The following ARHGAP20 variants were observed in gnomAD, a reference collection of about 807,000 sequenced individuals.
ARHGAP20 encodes rho GTPase-activating protein 20.
Under a neutral mutation model 73.7 loss-of-function variants are expected in ARHGAP20, and 34 were observed. That is an observed-to-expected ratio of 0.46 (90% confidence interval 0.35 to 0.61). The LOEUF is 0.61. Among genes scored for constraint, ARHGAP20 ranks in the 20% least tolerant of loss-of-function variants. The probability of loss-of-function intolerance (pLI) is 0.00; values close to 1 mark genes in which losing one functional copy is unlikely to be tolerated. For missense variants in ARHGAP20, 1,314 were observed against 1,420.9 expected (o/e 0.92, Z 1.21); for synonymous variants, 523 against 518.2 (o/e 1.01, Z -0.13).
rs750657827 is a variant in ARHGAP20 at position 110,578,820 on chromosome 11, C to T, written c.*550G>A. The T allele has an allele frequency of 6.1e-6, 6 of 985,722 alleles. No individual in the cohort carries two copies. Among genetic ancestry groups the T allele is most frequent in the African/African-American group, 1.7e-5 (1 of 57,226 alleles). The allele number at this position is 985,722 out of a possible 1,614,324, so 61.1% of individuals were successfully genotyped here. On this transcript the variant is annotated 3_prime_UTR_variant, in exon 15 of 15. Coordinates refer to ENST00000683387, the MANE Select transcript of ARHGAP20 (RefSeq NM_001384657.1). ...TTCTTGGAATGATTCTGTAAGGACA[C>T]GTGATTAGTAAGATCCCACAAAAAT...
At chr11:110,651,904 C>T (rs1949364443) in intron 2 of ARHGAP20, among the ~76,000 whole-genome samples, 1 of 152,124 alleles carries the variant, frequency 6.6e-6, no homozygotes, top group Non-Finnish European at 1.5e-5. Context: ...TGGCATCATC[C>T]TGATACCAAA....
At chr11:110,695,342 C>T (rs1326590610) in intron 1 of ARHGAP20, among the ~76,000 whole-genome samples, 1 of 151,444 alleles carries the variant, frequency 6.6e-6, no homozygotes. Flanking sequence ...AATCTAGACA[C>T]TGTCAAGATT....
At chr11:110,584,733 A>G (rs1368297360) in intron 12 of ARHGAP20, among the ~76,000 whole-genome samples, 1 of 152,022 alleles carries the variant, frequency 6.6e-6, no homozygotes, top group Admixed American at 6.6e-5. Context: ...ATACTTGTCT[A>G]AAGATGTGAA....
intron 4 of ARHGAP20, among the ~76,000 whole-genome samples, chr11:110,617,492 A>G (rs971667995): frequency 3.9e-5 from 6 of 151,980 alleles, no homozygotes; most frequent in South Asian, 2.1e-4. Flanking sequence ...CAAACTCCCA[A>G]CCTCAGGTGA....
At chr11:110,595,927 T>A (rs1228344858) in intron 9 of ARHGAP20, among the ~76,000 whole-genome samples, 1 of 152,094 alleles carries the variant, frequency 6.6e-6, no homozygotes, top group Non-Finnish European at 1.5e-5. Context: ...AACAGCATGG[T>A]ACTGGTACCA....
In ARHGAP20 at chr11:110,579,798, G is replaced by A. The variant is rs759947104; in HGVS notation, c.3148C>T (p.Leu1050Phe). The change falls in exon 15 of 15, where the codon CTC becomes TTC. Residue 1050 changes from leucine to phenylalanine, a missense_variant. By Grantham distance (22) the Leu-to-Phe change is conservative. Around this residue, in one of 3 missense-constraint regions of ARHGAP20, gnomAD observed 641 missense variants for 636.9 expected, o/e 1.01. Coordinates refer to ENST00000683387, the MANE Select transcript of ARHGAP20 (RefSeq NM_001384657.1). ...CTGGCTGCCTTTGCTTTCTTTTTGAGGGACCAGTTTTTCAAACTGGCCACA... is the reference window on the plus strand; with the variant it reads ...CTGGCTGCCTTTGCTTTCTTTTTGAAGGACCAGTTTTTCAAACTGGCCACA... Reference protein sequence around the residue: ...NGVASLKNWSLKKKAKAARPE... With the variant: ...NGVASLKNWSFKKKAKAARPE... The A allele has an allele frequency of 4.3e-6, 7 of 1,613,910 alleles. No individual in the cohort carries two copies. The Admixed American group carries it at 1.2e-4, about 27-fold the overall frequency.
chr11:110,703,446 C>T (rs1044848086), intron 1 of ARHGAP20, among the ~76,000 whole-genome samples: 3 of 151,454 alleles, frequency 2.0e-5, no homozygotes, highest in African/African-American at 7.3e-5. Context: ...AATACCTGCC[C>T]TACTCACTAT....
At chr11:110,675,419 G>A (rs187947573) in intron 2 of ARHGAP20, among the ~76,000 whole-genome samples, 8 of 152,286 alleles carry the variant, frequency 5.3e-5, no homozygotes, top group Admixed American at 5.2e-4. Context: ...GTCTCTGCTA[G>A]AGCAGTGGTT....
intron 11 of ARHGAP20, among the ~76,000 whole-genome samples, chr11:110,588,069 C>A (rs575713835): frequency 7.0e-4 from 106 of 151,578 alleles, no homozygotes; most frequent in Non-Finnish European, 1.0e-3. Context: ...TGAAGAAAAA[C>A]ATCATTAACA....
intron 7 of ARHGAP20, among the ~76,000 whole-genome samples, chr11:110,609,845 A>G (rs1948324410): frequency 6.6e-6 from 1 of 152,036 alleles, no homozygotes; most frequent in Non-Finnish European, 1.5e-5. Flanking sequence ...CCCCATACTC[A>G]GTTTATCTGT....
At chr11:110,615,616 G>A (rs200437435) in intron 4 of ARHGAP20, 22 bp from the exon 5 acceptor site, 1 of 1,607,970 alleles carries the variant, frequency 6.2e-7, no homozygotes, top group African/African-American at 1.3e-5. Context: ...GAAAATGGGA[G>A]AGAAAAATTA....
At chr11:110,648,992 A>T (rs925772629) in intron 2 of ARHGAP20, among the ~76,000 whole-genome samples, 6 of 152,120 alleles carry the variant, frequency 3.9e-5, no homozygotes, top group African/African-American at 1.4e-4. Context: ...GGCTGCCTTA[A>T]CATCAAGTGT....
At chr11:110,669,511 G>A (rs1949787777) in intron 2 of ARHGAP20, among the ~76,000 whole-genome samples, 2 of 151,596 alleles carry the variant, frequency 1.3e-5, no homozygotes, top group African/African-American at 4.8e-5. Context: ...GATGTGAACT[G>A]GCTCTTTTTT....
At chr11:110,703,302 A>G (rs1372130940) in intron 1 of ARHGAP20, among the ~76,000 whole-genome samples, 1 of 152,134 alleles carries the variant, frequency 6.6e-6, no homozygotes, top group East Asian at 1.9e-4. Context: ...GACTACTACC[A>G]TGTTGAAATA....
chr11:110,589,773 G>A, intron 11 of ARHGAP20: 1 of 910,874 alleles, frequency 1.1e-6, no homozygotes, highest in Non-Finnish European at 1.3e-6. Context: ...GCCAAGTGTG[G>A]TAAAAGTAAA....
intron 11 of ARHGAP20, among the ~76,000 whole-genome samples, chr11:110,586,633 G>A (rs1452731920): frequency 6.6e-6 from 1 of 152,210 alleles, no homozygotes; most frequent in African/African-American, 2.4e-5. Context: ...AGGTCTGGCA[G>A]TAAACCATCC....
At chr11:110,597,301 A>AC (rs976005636) in intron 9 of ARHGAP20, among the ~76,000 whole-genome samples, 1 of 151,572 alleles carries the variant, frequency 6.6e-6, no homozygotes, top group Non-Finnish European at 1.5e-5. Flanking sequence ...AATTAAAAAA[A>AC]AAAAAACTGA....
chr11:110,674,283 A>G (rs897141442), intron 2 of ARHGAP20, among the ~76,000 whole-genome samples: 3 of 152,328 alleles, frequency 2.0e-5, no homozygotes, highest in Non-Finnish European at 4.4e-5. Context: ...AAAATGAAAA[A>G]GCCATTCAAC....
At chr11:110,687,744 G>GA (rs1247059029) in intron 2 of ARHGAP20, among the ~76,000 whole-genome samples, 1 of 151,734 alleles carries the variant, frequency 6.6e-6, no homozygotes, top group Non-Finnish European at 1.5e-5. Context: ...GTAACATAAA[G>GA]AAAAAAATGA....
Sources: allele counts gnomAD v4.1 joint callset (sites outside exome capture counted in the v4.1 genomes callset), GRCh38; gene constraint gnomAD v4.1.1; regional missense constraint gnomAD v4.1.1; transcripts MANE v1.5; gene names NCBI Gene and HGNC (gene_info 2026-07-23, HGNC 2026-07-21).